Variants in KCNT1 observed in about 807,000 individuals in gnomAD.
KCNT1 encodes the protein potassium channel subfamily T member 1.
KCNT1 carries 78 observed loss-of-function variants against 147.8 expected under a neutral mutation model. That is an observed-to-expected ratio of 0.53 (90% confidence interval 0.44 to 0.64). KCNT1 has a LOEUF of 0.64. KCNT1 is among the 30% of genes least tolerant of loss of function. The probability of loss-of-function intolerance (pLI) is 0.00; values close to 1 mark genes in which losing one functional copy is unlikely to be tolerated. For synonymous variants in KCNT1, 867 were observed against 748.8 expected (o/e 1.16, Z -2.58); for missense variants, 1,419 against 1,750.3 (o/e 0.81, Z 3.38).
chr9:135,726,680 C>CCT (rs748292462), intron 2 of KCNT1, among the ~76,000 whole-genome samples: 1 of 149,482 alleles, frequency 6.7e-6, no homozygotes, highest in Non-Finnish European at 1.5e-5. Context: ...TCTCTCCTTC[C>CCT]CTCTCTCTCT....
Position 135,759,585 on chromosome 9 carries a change from G to A in KCNT1, c.855-94G>A, listed in dbSNP as rs949567195. The A allele has an allele frequency of 2.2e-6, 3 of 1,367,856 alleles. No homozygotes were observed. In the African/African-American group the frequency reaches 4.4e-5, roughly 20 times the overall value. The allele number at this position is 1,367,856 out of a possible 1,614,324, so 84.7% of individuals were successfully genotyped here. ...GGTGATGCACAGCTCAGTCTCCTGG[G>A]CAGTGAGGGTCCCGTGGGCAGGCAG... On this transcript the variant is annotated intron_variant, in intron 10 of 30. Transcript: ENST00000371757.
rs1832711981 is a variant in KCNT1, at chr9:135,770,923, C to T, written c.1836C>T (p.Pro612=). 1 of 1,611,834 alleles carries T rather than the reference C, an allele frequency of 6.2e-7. No individual in the cohort carries two copies. The highest frequency in any genetic ancestry group is 1.3e-5 in the African/African-American group (1 of 74,908). The change falls in exon 18 of 31, where the codon CCC becomes CCT. Residue 612 remains proline (P), a synonymous_variant. Coordinates refer to ENST00000371757, the MANE Select transcript of KCNT1 (RefSeq NM_020822.3). The stretch of plus-strand genomic sequence containing the variant: ...AGAGCATCCTGCTGAACCCGGGGCC[C>T]CGGCACATCCTGGCCGCCTCTGACA... ...DNKSILLNPG[P]RHILAASDTC... is the part of the protein sequence containing the mutation.
Position 135,760,695 on chromosome 9 carries a change from TCTC to T in KCNT1, c.1035+840_1035+842del, listed in dbSNP as rs577904824. 1.8e-4 allele frequency among the ~76,000 whole-genome samples: 28 copies of T among 152,292 alleles called. No homozygotes were observed. In the South Asian group the frequency reaches 4.6e-3, roughly 25 times the overall value. On this transcript the variant is annotated intron_variant, in intron 11 of 30. Coordinates refer to ENST00000371757, the MANE Select transcript of KCNT1 (RefSeq NM_020822.3). Reference sequence around the variant, plus strand: ...ATGGGCCCAGGCCAGGCCTGGCTCTTCTCCTCACTATATCCAAGCCAAAGCTGT... The same window carrying T: ...ATGGGCCCAGGCCAGGCCTGGCTCTTCTCACTATATCCAAGCCAAAGCTGT...
At chr9:135,741,871 GC>G (rs1830585455) in intron 2 of KCNT1, among the ~76,000 whole-genome samples, 1 of 152,248 alleles carries the variant, frequency 6.6e-6, no homozygotes, top group South Asian at 2.1e-4. Flanking sequence ...TTGAGGAGGA[GC>G]TGGTCCAGGA....
In KCNT1 at chr9:135,778,785, G is replaced by T. The variant is rs1564382571; in HGVS notation, c.2692G>T (p.Asp898Tyr). The change falls in exon 23 of 31, where the codon GAC becomes TAC. Residue 898 changes from aspartate (D) to tyrosine (Y), a missense_variant. Around this residue, in one of 5 missense-constraint regions of KCNT1, gnomAD observed 247 missense variants for 397.1 expected, o/e 0.62. Coordinates refer to ENST00000371757, the MANE Select transcript of KCNT1 (RefSeq NM_020822.3). ...TMSAEEDYMADAKTIVNVQTM... is the reference protein window; with the variant it reads ...TMSAEEDYMAYAKTIVNVQTM... ...GAGCGCCGAGGAGGACTACATGGCG[G>T]ACGCCAAGACCATCGTCAACGTGCA... 1 of 1,613,900 alleles carries T rather than the reference G, an allele frequency of 6.2e-7. No individual in the cohort carries two copies. Among genetic ancestry groups the T allele is most frequent in the Non-Finnish European group, 8.5e-7 (1 of 1,179,908 alleles).
intron 29 of KCNT1, chr9:135,791,479 TGGTGTGTGCA>T (rs1170229081): frequency 4.0e-5 from 14 of 353,798 alleles, no homozygotes; most frequent in East Asian, 5.9e-5. Flanking sequence ...AGGTGTGCGC[TGGTGTGTGCA>T]GGTGTGCTCA....
chr9:135,710,552 C>A (rs1437488309), intron 1 of KCNT1, among the ~76,000 whole-genome samples: 1 of 152,170 alleles, frequency 6.6e-6, no homozygotes, highest in African/African-American at 2.4e-5. Context: ...GAGTGCCCCC[C>A]GCCTCCTTTC....
chr9:135,780,423 C>G (rs2082648262), intron 24 of KCNT1, among the ~76,000 whole-genome samples: 2 of 152,340 alleles, frequency 1.3e-5, no homozygotes, highest in South Asian at 4.1e-4. Flanking sequence ...CGGGCACTCC[C>G]TGCGACACGG....
At chr9:135,750,578 G>T in intron 3 of KCNT1, 1 of 352,770 alleles carries the variant, frequency 2.8e-6, no homozygotes. Flanking sequence ...GCCAGAGCTT[G>T]GCATCATGCT....
rs1832692822 is a variant in KCNT1, at chr9:135,770,715, C to T, written c.1770-142C>T. ...CACCTCTGGGACGGGAGGGCTCAGC[C>T]AAGGTCCCTGACCCCAAATGGCCCC... On this transcript the variant is annotated intron_variant, in intron 17 of 30. Coordinates refer to ENST00000371757, the MANE Select transcript of KCNT1 (RefSeq NM_020822.3). The T allele has an allele frequency of 1.0e-5, 9 of 898,360 alleles. No homozygotes were observed. In the East Asian group the frequency reaches 1.6e-4, roughly 16 times the overall value. The allele number at this position is 898,360 out of a possible 1,614,324, so 55.6% of individuals were successfully genotyped here.
chr9:135,791,854 A>C lies in KCNT1; in HGVS notation c.3560A>C (p.Asp1187Ala). 6.2e-7 allele frequency: 1 copy of C among 1,613,824 alleles called. No homozygotes were observed. The highest frequency in any genetic ancestry group is 8.5e-7 in the Non-Finnish European group (1 of 1,179,938). ...LSYVLINPPPDTRLEPSDIVY... is the reference protein window; with the variant it reads ...LSYVLINPPPATRLEPSDIVY... ...TACGTCCTCATCAACCCTCCGCCCG[A>C]CACGAGGCTGGAGCCCAGTGACATT... Residue 1187 changes from aspartate to alanine, a missense_variant, in exon 30 of 31, where the codon GAC becomes GCC. Physicochemically the swap from Asp to Ala is moderately radical, Grantham distance 126 (BLOSUM62 -2). This residue lies in a region of KCNT1 where 306 missense variants were observed against 294.2 expected (regional missense o/e 1.04). Coordinates refer to ENST00000371757, the MANE Select transcript of KCNT1 (RefSeq NM_020822.3).
At chr9:135,729,123 A>G (rs949958675) in intron 2 of KCNT1, among the ~76,000 whole-genome samples, 2 of 152,238 alleles carry the variant, frequency 1.3e-5, no homozygotes, top group African/African-American at 4.8e-5. Flanking sequence ...CACGGGAGAT[A>G]TAATTAAGTT....
rs1312042895 is a variant in KCNT1, at chr9:135,786,260, T to C, written c.3241T>C (p.Ser1081Pro). The C allele has an allele frequency of 1.9e-6, 3 of 1,610,254 alleles. No individual in the cohort carries two copies. In the African/African-American group the frequency reaches 4.0e-5, roughly 22 times the overall value. ...DTREVKGPWG[S>P]RAGTGGSSQG... ...ACGGGAAGTGAAGGGGCCCTGGGGC[T>C]CCCGCGCTGGCACCGGAGGCAGCTC... is the stretch of plus-strand genomic sequence containing the variant. The change falls in exon 29 of 31, where the codon TCC (serine) becomes CCC (proline). Residue 1081 changes from serine (S) to proline (P), a missense_variant. Physicochemically the swap from Ser to Pro is moderately conservative, Grantham distance 74. Transcript: ENST00000371757.
chr9:135,779,234 C>G, intron 23 of KCNT1, 125 bp from the exon 24 acceptor site: 1 of 632,828 alleles, frequency 1.6e-6, no homozygotes, highest in East Asian at 2.8e-5. Flanking sequence ...GGGCCCTGCC[C>G]TGAGACCCCC....
At position 135,784,591 on chromosome 9, in the gene KCNT1, C is replaced by T. The variant is rs1209287528; in HGVS notation, c.3000C>T (p.Thr1000=). ...CCCGGCTGCTGCTGGGCCTGGACAC[C>T]ACGCCGGGCTCGGGGTACCTCTGTG... ...TITRLLLGLD[T]TPGSGYLCAM... is the part of the protein sequence containing the mutation. The change falls in exon 26 of 31, where the codon ACC becomes ACT. Residue 1000 remains threonine (T), a synonymous_variant. Transcript: ENST00000371757. 10 of 1,605,948 alleles carry T rather than the reference C, an allele frequency of 6.2e-6. No homozygotes were observed. Among genetic ancestry groups the T allele is most frequent in the African/African-American group, 2.7e-5 (2 of 74,140 alleles).
At chr9:135,764,035 G>A (rs2131469239) in intron 11 of KCNT1, among the ~76,000 whole-genome samples, 1 of 152,332 alleles carries the variant, frequency 6.6e-6, no homozygotes, top group South Asian at 2.1e-4. Flanking sequence ...GCAAGGCAGT[G>A]GAGCCTCGTC....
At chr9:135,764,973 C>T in intron 11 of KCNT1, 58 bp from the exon 12 acceptor site, 1 of 1,545,424 alleles carries the variant, frequency 6.5e-7, no homozygotes, top group Non-Finnish European at 8.8e-7. Context: ...AGGTTCTTCA[C>T]CGGGAGCCCT....
intron 2 of KCNT1, among the ~76,000 whole-genome samples, chr9:135,740,450 C>T (rs1485431499): frequency 6.6e-6 from 1 of 152,196 alleles, no homozygotes; most frequent in Non-Finnish European, 1.5e-5. Flanking sequence ...CAGAGGGGCT[C>T]CTAGAGAGCC....
rs1834714214 is a variant in KCNT1 at position 135,794,122 on chromosome 9, AGCAGTG to A, written c.*1966_*1971del. 1 of 152,462 alleles carries A rather than the reference AGCAGTG, an allele frequency of 6.6e-6. No homozygotes were observed. Among genetic ancestry groups the A allele is most frequent in the African/African-American group, 2.4e-5 (1 of 41,474 alleles). The allele number at this position is 152,462 out of a possible 1,614,324, so 9.4% of individuals were successfully genotyped here. The stretch of plus-strand genomic sequence containing the variant: ...GCTGGGATGGGAGGGCCACAGTTCC[AGCAGTG>A]GCAGGGGAAGCTGTAGCCCCTGGAG... On this transcript the variant is annotated 3_prime_UTR_variant, in exon 31 of 31. Transcript: ENST00000371757.
Sources: gnomAD v4.1 joint callset for allele counts (sites outside exome capture counted in the v4.1 genomes callset) on GRCh38, gnomAD v4.1.1 for gene constraint, gnomAD v4.1.1 regional missense constraint, MANE v1.5 for transcripts, NCBI Gene and HGNC (gene_info 2026-07-23, HGNC 2026-07-21) for gene names.